The following NTRK3 variants were observed in gnomAD, a reference collection of about 807,000 sequenced individuals.
NTRK3 encodes the protein NT-3 growth factor receptor.
Under a neutral mutation model 91.7 loss-of-function variants are expected in NTRK3, and 24 were observed. The ratio of observed to expected loss-of-function variants is 0.26; its 90% CI spans 0.19 to 0.37. The LOEUF (loss-of-function observed/expected upper bound fraction) is 0.37. Ranked by LOEUF, NTRK3 falls within the 10% of genes least tolerant of loss-of-function variation. NTRK3 has a pLI of 1.00. For synonymous variants in NTRK3, 483 were observed against 404.0 expected (o/e 1.20, Z -2.34); for missense variants, 880 against 1,068.9 (o/e 0.82, Z 2.46).
intron 17 of NTRK3, among the ~76,000 whole-genome samples, chr15:87,882,099 T>C (rs1233878618): frequency 1.3e-5 from 2 of 152,064 alleles, no homozygotes; most frequent in East Asian, 1.9e-4. Flanking sequence ...TTTCACCGCA[T>C]TGGTCAGGCT....
intron 14 of NTRK3, among the ~76,000 whole-genome samples, chr15:87,970,824 T>G (rs142424955): frequency 7.7e-4 from 117 of 152,304 alleles, no homozygotes; most frequent in Middle Eastern, 3.4e-3. Context: ...GAAAAAGATT[T>G]TTCTGCAAGT....
At chr15:87,906,805 C>A (rs557955193) in intron 17 of NTRK3, among the ~76,000 whole-genome samples, 1 of 152,282 alleles carries the variant, frequency 6.6e-6, no homozygotes, top group Non-Finnish European at 1.5e-5. Flanking sequence ...CCAAGTACTT[C>A]TTTTTCTCCT....
At chr15:88,171,565 G>A (rs1005426981) in intron 5 of NTRK3, among the ~76,000 whole-genome samples, 1 of 152,166 alleles carries the variant, frequency 6.6e-6, no homozygotes, top group Non-Finnish European at 1.5e-5. Flanking sequence ...CCAAGGTGTG[G>A]GACATGCCAT....
chr15:87,946,090 TGAAAA>T (rs1200396149), intron 14 of NTRK3: 1 of 152,144 alleles, frequency 6.6e-6, no homozygotes, highest in Admixed American at 6.6e-5. Context: ...AATCGTGGCT[TGAAAA>T]GAAATGTGGA....
chr15:88,247,339 G>C (rs530804517), intron 3 of NTRK3, among the ~76,000 whole-genome samples: 2 of 152,222 alleles, frequency 1.3e-5, no homozygotes, highest in Non-Finnish European at 2.9e-5. Flanking sequence ...TTCGTTCTGG[G>C]CTGCCTTGTG....
At chr15:87,952,296 T>G (rs975765886) in intron 14 of NTRK3, among the ~76,000 whole-genome samples, 6 of 151,818 alleles carry the variant, frequency 4.0e-5, no homozygotes, top group Non-Finnish European at 5.9e-5. Context: ...AAAGAAAGAC[T>G]CCTCTTTCCT....
chr15:88,055,375 C>T (rs2045588610), intron 13 of NTRK3, among the ~76,000 whole-genome samples: 2 of 152,154 alleles, frequency 1.3e-5, no homozygotes, highest in Non-Finnish European at 2.9e-5. Context: ...AAAGCACTTC[C>T]CAATTTTTGG....
intron 14 of NTRK3, among the ~76,000 whole-genome samples, chr15:88,012,411 CCTT>C (rs1319581302): frequency 6.6e-6 from 1 of 152,214 alleles, no homozygotes; most frequent in East Asian, 1.9e-4. Flanking sequence ...CTTACATCCT[CCTT>C]CTCACTCAGG....
intron 17 of NTRK3, among the ~76,000 whole-genome samples, chr15:87,919,254 T>G (rs781637637): frequency 2.6e-5 from 4 of 152,162 alleles, no homozygotes; most frequent in Non-Finnish European, 5.9e-5. Flanking sequence ...ACTCCTGCAT[T>G]CTAGTTCCCA....
At chr15:88,096,629 T>A (rs1360125291) in intron 13 of NTRK3, among the ~76,000 whole-genome samples, 1 of 152,200 alleles carries the variant, frequency 6.6e-6, no homozygotes, top group Non-Finnish European at 1.5e-5. Context: ...AACCCAGAAG[T>A]GTGGGGTAAT....
intron 3 of NTRK3, among the ~76,000 whole-genome samples, chr15:88,204,935 G>A (rs142097223): frequency 2.4e-4 from 36 of 152,292 alleles, no homozygotes; most frequent in Non-Finnish European, 4.9e-4. Context: ...CACTTTGACA[G>A]GAGGTGAGGG....
chr15:87,906,598 T>C (rs2066780791), intron 17 of NTRK3, among the ~76,000 whole-genome samples: 2 of 152,226 alleles, frequency 1.3e-5, no homozygotes, highest in African/African-American at 2.4e-5. Context: ...ATTTCTTTAT[T>C]TGGACTCAGA....
chr15:88,083,021 T>C (rs1320327109), intron 13 of NTRK3, among the ~76,000 whole-genome samples: 4 of 152,228 alleles, frequency 2.6e-5, no homozygotes, highest in Non-Finnish European at 5.9e-5. Flanking sequence ...TACTTTGGAA[T>C]GTCTGGATGA....
exon 19 of NTRK3, chr15:87,872,453 A>T (rs559998501): frequency 7.3e-4 from 166 of 226,890 alleles, no homozygotes; most frequent in Non-Finnish European, 1.1e-3. Flanking sequence ...AAAGATAAAA[A>T]TCTTGTCGGT....
At chr15:88,242,095 G>A (rs558864290) in intron 3 of NTRK3, among the ~76,000 whole-genome samples, 119 of 152,268 alleles carry the variant, frequency 7.8e-4, no homozygotes, top group African/African-American at 2.6e-3. Context: ...AGCCACCTGC[G>A]CATGGACACA....
At position 88,206,804 on chromosome 15, in the gene NTRK3, A is replaced by G. The variant is rs181138938; in HGVS notation, c.249-22505T>C. ...TCCTTTCCCTGCTCCCACCTCGGCCATAGCCCTGCAGCCACAGCCATCTGT... is the reference window on the plus strand; with the variant it reads ...TCCTTTCCCTGCTCCCACCTCGGCCGTAGCCCTGCAGCCACAGCCATCTGT... On this transcript the variant is annotated intron_variant, in intron 3 of 18. Coordinates refer to ENST00000394480, the Ensembl canonical transcript of NTRK3. 3.2e-3 allele frequency among the ~76,000 whole-genome samples: 491 copies of G among 152,126 alleles called. 5 individuals carry two copies. Among genetic ancestry groups the G allele is most frequent in the African/African-American group, 0.011 (475 of 41,480 alleles).
intron 3 of NTRK3, among the ~76,000 whole-genome samples, chr15:88,196,004 A>T (rs898725568): frequency 3.9e-5 from 6 of 152,216 alleles, no homozygotes; most frequent in Non-Finnish European, 1.5e-5. Flanking sequence ...CGCATGGAGG[A>T]CTTAATTCAC....
At chr15:88,082,846 T>G (rs569312708) in intron 13 of NTRK3, among the ~76,000 whole-genome samples, 20 of 152,302 alleles carry the variant, frequency 1.3e-4, no homozygotes, top group Admixed American at 4.6e-4. Context: ...TTCAGCTCTT[T>G]ATCTCTTTTA....
In NTRK3 at chr15:88,235,034, A is replaced by G. The variant is rs930545657; in HGVS notation, c.248+20872T>C. ...GTCACTGACAGATCGAAGCTGGACA[A>G]TCCATTCTCCGAGAGCCCAGACGCC... On this transcript the variant is annotated intron_variant, in intron 3 of 18. Coordinates refer to ENST00000394480, the Ensembl canonical transcript of NTRK3. This position sits in a 1 kb window ranked among gnomAD's most constrained non-coding sequence, Gnocchi z 5.2. 6.6e-6 allele frequency among the ~76,000 whole-genome samples: 1 copy of G among 152,072 alleles called. No homozygotes were observed. The highest frequency in any genetic ancestry group is 1.5e-5 in the Non-Finnish European group (1 of 68,010).
Sources: gnomAD v4.1 joint callset for allele counts (sites outside exome capture counted in the v4.1 genomes callset) on GRCh38, gnomAD v4.1.1 for gene constraint, Gnocchi (gnomAD v3.1) non-coding constraint, MANE v1.5 for transcripts, NCBI Gene and HGNC (gene_info 2026-07-23, HGNC 2026-07-21) for gene names.